Variants in CFAP74 observed in about 807,000 individuals in gnomAD.
The protein encoded by CFAP74 is cilia and flagella associated protein 74, also known as cilia- and flagella-associated protein 74.
Under a neutral mutation model 188.9 loss-of-function variants are expected in CFAP74, and 124 were observed. The observed-to-expected ratio is 0.66, with a 90% CI of 0.57 to 0.76. CFAP74 has a LOEUF of 0.76. CFAP74 is among the 30% of genes least tolerant of loss of function. The pLI, the probability that CFAP74 is intolerant of heterozygous loss-of-function variation, is 0.00. For missense variants in CFAP74, 2,198 were observed against 2,165.2 expected (o/e 1.02, Z -0.30); for synonymous variants, 956 against 916.7 (o/e 1.04, Z -0.77).
At chr1:1,937,622 G>A (rs1221985806) in intron 25 of CFAP74, among the ~76,000 whole-genome samples, 1 of 152,078 alleles carries the variant, frequency 6.6e-6, no homozygotes, top group Non-Finnish European at 1.5e-5. Context: ...CCACAGACCC[G>A]GCTGTGACTG....
chr1:1,932,105 G>A (rs1234432750), intron 25 of CFAP74, among the ~76,000 whole-genome samples: 7 of 128,718 alleles, frequency 5.4e-5, no homozygotes, highest in African/African-American at 2.2e-4. Flanking sequence ...AAAAAACTTA[G>A]AAAAATGTAG....
At chr1:1,964,303 C>T (rs917712873) in intron 13 of CFAP74, among the ~76,000 whole-genome samples, 10 of 152,238 alleles carry the variant, frequency 6.6e-5, no homozygotes, top group African/African-American at 2.2e-4. Context: ...CCTGCTACAT[C>T]CCTGTCCCGA....
chr1:1,976,323 C>T (rs1656441853), intron 6 of CFAP74, among the ~76,000 whole-genome samples: 1 of 152,188 alleles, frequency 6.6e-6, no homozygotes, highest in African/African-American at 2.4e-5. Flanking sequence ...AACGGGTGGG[C>T]CGTCTCCTTG....
intron 11 of CFAP74, 146 bp from the exon 12 acceptor site, chr1:1,966,672 C>G (rs948327821): frequency 1.8e-6 from 1 of 565,464 alleles, no homozygotes; most frequent in Admixed American, 4.3e-5. Flanking sequence ...GCGGTGCACA[C>G]GGTTTTGTAA....
chr1:1,960,185 A>G, intron 14 of CFAP74, 155 bp from the exon 15 acceptor site: 1 of 646,808 alleles, frequency 1.5e-6, no homozygotes, highest in Non-Finnish European at 2.7e-6. Context: ...GGAGTGCTGG[A>G]TCTGCTGCAT....
At chr1:1,972,127 C>G in intron 8 of CFAP74, 45 bp from the exon 9 acceptor site, 1 of 1,482,630 alleles carries the variant, frequency 6.7e-7, no homozygotes, top group African/African-American at 1.4e-5. Context: ...GTCGCCCAGG[C>G]TGGTGTGCAG....
intron 1 of CFAP74, among the ~76,000 whole-genome samples, chr1:2,002,606 G>A (rs1319546005): frequency 6.6e-6 from 1 of 150,926 alleles, no homozygotes; most frequent in Admixed American, 6.6e-5. Context: ...GGAGGTGGAG[G>A]TTGCAGTGAG....
chr1:1,944,469 G>T lies in CFAP74; in HGVS notation c.2365-17C>A. The T allele has an allele frequency of 6.5e-7, 1 of 1,534,824 alleles. No individual in the cohort carries two copies. Among genetic ancestry groups the T allele is most frequent in the Non-Finnish European group, 8.7e-7 (1 of 1,145,876 alleles). The stretch of plus-strand genomic sequence containing the variant: ...GAAATGCAGCTGCATATGGACACAG[G>T]AGCTCAGCAACAGGAGTTCCTTGGG... On this transcript the variant is annotated splice_polypyrimidine_tract_variant and intron_variant, in intron 20 of 38. Coordinates refer to ENST00000682832, the MANE Select transcript of CFAP74 (RefSeq NM_001304360.2).
intron 5 of CFAP74, among the ~76,000 whole-genome samples, chr1:1,986,613 G>A (rs918773314): frequency 1.3e-5 from 2 of 152,212 alleles, no homozygotes; most frequent in African/African-American, 4.8e-5. Context: ...TCCCACCTGG[G>A]AGTGTGGGAC....
At chr1:2,002,111 G>T (rs1016315903) in intron 1 of CFAP74, among the ~76,000 whole-genome samples, 4 of 152,182 alleles carry the variant, frequency 2.6e-5, no homozygotes. Context: ...GTGTGGCTGT[G>T]TTGGAGAATG....
chr1:1,925,833 G>A lies in CFAP74; in HGVS notation c.4054C>T (p.Leu1352Phe), dbSNP rs924535050. ...MITCSIEGSV[L>F]NMGYVIAGES... The stretch of plus-strand genomic sequence containing the variant: ...CCGGCAATCACATAGCCCATGTTGA[G>A]GACGCTGCCTTCAATGGAGCACGTG... The change falls in exon 33 of 39, where the codon CTC becomes TTC. Residue 1352 changes from leucine (L) to phenylalanine (F), a missense_variant. Coordinates refer to ENST00000682832, the MANE Select transcript of CFAP74 (RefSeq NM_001304360.2). 2.5e-6 allele frequency: 4 copies of A among 1,612,734 alleles called. No homozygotes were observed. The African/African-American group carries it at 5.3e-5, about 21-fold the overall frequency.
chr1:1,958,510 C>T (rs1285943140), intron 16 of CFAP74, among the ~76,000 whole-genome samples: 2 of 152,182 alleles, frequency 1.3e-5, no homozygotes, highest in African/African-American at 2.4e-5. Context: ...AGGTGCGGTG[C>T]GAGCTGACCA....
Position 1,924,451 on chromosome 1 carries a change from G to T in CFAP74, c.4174C>A (p.Arg1392=), listed in dbSNP as rs145353695. Residue 1392 remains arginine, a synonymous_variant, in exon 34 of 39, where the codon CGG becomes AGG. Coordinates refer to ENST00000682832, the MANE Select transcript of CFAP74 (RefSeq NM_001304360.2). The part of the protein sequence containing the change: ...HLDSLSSTRG[R]GQQQLPQFLS... ...AACTGCGGCAGCTGCTGCTGGCCCC[G>T]GCCCCGGGTGCTGGAGAGGCTGTCC... The T allele has an allele frequency of 3.8e-6, 6 of 1,571,538 alleles. No individual in the cohort carries two copies. The highest frequency in any genetic ancestry group is 1.7e-4 in the Middle Eastern group (1 of 5,904).
intron 19 of CFAP74, among the ~76,000 whole-genome samples, chr1:1,946,749 C>T (rs1272032520): frequency 6.6e-6 from 1 of 152,240 alleles, no homozygotes; most frequent in East Asian, 1.9e-4. Context: ...CAGTGCCCCA[C>T]ACCCGGGAAA....
chr1:1,998,044 G>A (rs1456662099), intron 1 of CFAP74, among the ~76,000 whole-genome samples: 1 of 152,216 alleles, frequency 6.6e-6, no homozygotes, highest in Non-Finnish European at 1.5e-5. Flanking sequence ...TTGGGAGGCT[G>A]AGGCGGGTGG....
chr1:1,948,884 TC>T (rs1653968851), intron 18 of CFAP74, among the ~76,000 whole-genome samples: 1 of 83,568 alleles, frequency 1.2e-5, no homozygotes, highest in Admixed American at 1.2e-4. Flanking sequence ...ATTCCTTCCT[TC>T]CTTCCCTCCC....
chr1:1,994,662 C>T (rs1422471937), intron 1 of CFAP74, among the ~76,000 whole-genome samples: 22 of 152,202 alleles, frequency 1.4e-4, no homozygotes, highest in Admixed American at 1.4e-3. Flanking sequence ...GCCTCCGCGA[C>T]GTCATTTTGC....
chr1:2,002,624 C>T (rs1211515760), intron 1 of CFAP74, among the ~76,000 whole-genome samples: 1 of 150,748 alleles, frequency 6.6e-6, no homozygotes, highest in Non-Finnish European at 1.5e-5. Context: ...GAGCCGAGAT[C>T]GCCCTGCTGC....
At chr1:1,976,077 C>T (rs918708838) in intron 6 of CFAP74, among the ~76,000 whole-genome samples, 14 of 152,244 alleles carry the variant, frequency 9.2e-5, no homozygotes, top group African/African-American at 2.9e-4. Context: ...TGTGTCCTCA[C>T]GTGGCAGAGG....
Sources: allele counts gnomAD v4.1 joint callset (sites outside exome capture counted in the v4.1 genomes callset), GRCh38; gene constraint gnomAD v4.1.1; transcripts MANE v1.5; gene names NCBI Gene and HGNC (gene_info 2026-07-23, HGNC 2026-07-21).